TMC4: variants seen among roughly 807,000 people sequenced by gnomAD.
The protein encoded by TMC4 is transmembrane channel like 4, also known as voltage-gated chloride channel TMC4.
TMC4 carries 70 observed loss-of-function variants against 82.0 expected under a neutral mutation model. That is an observed-to-expected ratio of 0.85 (90% confidence interval 0.70 to 1.04). The LOEUF (loss-of-function observed/expected upper bound fraction) is 1.04. TMC4 is among the 50% of genes least tolerant of loss of function. The pLI is 0.00. For synonymous variants in TMC4, 446 were observed against 406.0 expected, an observed-to-expected ratio of 1.10 and a Z score of -1.18; for missense variants, 879 against 899.0, an observed-to-expected ratio of 0.98 and a Z score of 0.28.
chr19:54,161,430 G>A (rs1485612568), intron 11 of TMC4, among the ~76,000 whole-genome samples, 170 bp from the exon 12 acceptor site: 2 of 144,520 alleles, frequency 1.4e-5, no homozygotes, highest in East Asian at 4.2e-4. Flanking sequence ...TCTCACTGCA[G>A]CCTCCCCTCC....
chr19:54,167,205 G>A (rs1038606847), intron 5 of TMC4, among the ~76,000 whole-genome samples: 9 of 151,978 alleles, frequency 5.9e-5, no homozygotes, highest in Admixed American at 1.3e-4. Flanking sequence ...CCAGGCTTCC[G>A]GTGAGCTATG....
intron 10 of TMC4, 104 bp from the exon 11 acceptor site, chr19:54,162,389 T>C (rs1466733787): frequency 2.7e-5 from 7 of 255,556 alleles, no homozygotes; most frequent in Non-Finnish European, 4.3e-5. Flanking sequence ...GTATTGGTGG[T>C]GGGGGGGGGG....
chr19:54,171,756 G>T, intron 2 of TMC4, 114 bp downstream of exon 2: 1 of 946,832 alleles, frequency 1.1e-6, no homozygotes, highest in Non-Finnish European at 1.5e-6. Flanking sequence ...GCGGGGCAGA[G>T]AGAGGCCCCA....
At position 54,162,239 on chromosome 19, in the gene TMC4, T is replaced by G. The variant is rs1265907035; in HGVS notation, c.1549A>C (p.Thr517Pro). The G allele has an allele frequency of 7.5e-6, 12 of 1,604,548 alleles. No individual in the cohort carries two copies. The highest frequency in any genetic ancestry group is 1.0e-5 in the Non-Finnish European group (12 of 1,177,212). The part of the protein sequence containing the change: ...CPGALGRLAG[T>P]QEFQVPDEVL... ...TCGTCGGGCACCTGGAACTCTTGGG[T>G]CCCCGCCAGACGACCCAGCGCCCCA... Residue 517 changes from threonine (T) to proline (P), a missense_variant, in exon 11 of 15, where the codon ACC becomes CCC. Thr to Pro is a conservative substitution (Grantham distance 38). Coordinates refer to ENST00000619895, the MANE Select transcript of TMC4 (RefSeq NM_144686.4).
Position 54,164,483 on chromosome 19 carries a change from G to A in TMC4, c.1064C>T (p.Ala355Val), listed in dbSNP as rs2075650742. 2 of 1,613,806 alleles carry A rather than the reference G, an allele frequency of 1.2e-6. No homozygotes were observed. Among genetic ancestry groups the A allele is most frequent in the East Asian group, 4.5e-5 (2 of 44,858 alleles). Residue 355 changes from alanine to valine, a missense_variant, in exon 7 of 15, where the codon GCA (alanine) becomes GTA (valine). Physicochemically the swap from Ala to Val is moderately conservative, Grantham distance 64. Coordinates refer to ENST00000619895, the MANE Select transcript of TMC4 (RefSeq NM_144686.4). ...AGCCCAGTAGACGCCATAGAAGGCTGCCCCCAGGAGCGCGACCACCAGCAG... is the reference window on the plus strand; with the variant it reads ...AGCCCAGTAGACGCCATAGAAGGCTACCCCCAGGAGCGCGACCACCAGCAG... ...LNLLVVALLG[A>V]AFYGVYWATG...
intron 7 of TMC4, 29 bp from the exon 8 acceptor site, chr19:54,163,916 G>C (rs746917539): frequency 2.9e-5 from 47 of 1,610,664 alleles, no homozygotes; most frequent in Non-Finnish European, 4.0e-5. Flanking sequence ...ATGAGTAGAG[G>C]CTTGGGGTCC....
At position 54,173,150 on chromosome 19, in the gene TMC4, A is replaced by T. The variant is rs369357600; in HGVS notation, c.-33T>A. On this transcript the variant is annotated 5_prime_UTR_variant, in exon 1 of 15. Coordinates refer to ENST00000619895, the MANE Select transcript of TMC4 (RefSeq NM_144686.4). The stretch of plus-strand genomic sequence containing the variant: ...GGCTGGGCTGTCTCTAGTGGCCACC[A>T]GGCAGACACTGCCCCAGGTAAGGGA... 16 of 1,603,418 alleles carry T rather than the reference A, an allele frequency of 1.0e-5. No homozygotes were observed. Among genetic ancestry groups the T allele is most frequent in the East Asian group, 2.2e-5 (1 of 44,712 alleles).
At chr19:54,164,823 T>A (rs999152609) in intron 6 of TMC4, 5 of 604,028 alleles carry the variant, frequency 8.3e-6, no homozygotes, top group African/African-American at 7.5e-5. Flanking sequence ...CAAGCCCCCA[T>A]CCCTCCGCGG....
chr19:54,165,101 C>T (rs2075669244), intron 6 of TMC4, among the ~76,000 whole-genome samples: 1 of 143,418 alleles, frequency 7.0e-6, no homozygotes, highest in Admixed American at 7.0e-5. Flanking sequence ...AGAGAGGGAG[C>T]CTCCCTATGT....
intron 10 of TMC4, among the ~76,000 whole-genome samples, 166 bp downstream of exon 10, chr19:54,162,507 C>T (rs1199008846): frequency 6.6e-6 from 1 of 151,630 alleles, no homozygotes; most frequent in Non-Finnish European, 1.5e-5. Flanking sequence ...AGGGAAGTAA[C>T]CCACTAAAAC....
chr19:54,166,485 C>G (rs915654906), intron 5 of TMC4, among the ~76,000 whole-genome samples: 1 of 152,156 alleles, frequency 6.6e-6, no homozygotes, highest in African/African-American at 2.4e-5. Context: ...GGCCCCGGCC[C>G]CCATCATCTC....
Position 54,163,238 on chromosome 19 carries a change from G to A in TMC4, c.1278-79C>T, listed in dbSNP as rs12052122. On this transcript the variant is annotated intron_variant, in intron 8 of 14. Transcript: ENST00000619895. ...GTTCCCTTCTCAGTGGAACGCGCCC[G>A]CATTCAACCCATCTCACAGATGAAG... 6.9e-3 allele frequency: 10,747 copies of A among 1,546,330 alleles called. 298 individuals carry two copies. In the East Asian group the frequency reaches 0.094, roughly 14 times the overall value.
Position 54,173,142 on chromosome 19 carries a change from T to G in TMC4, c.-25A>C. 1 of 1,610,698 alleles carries G rather than the reference T, an allele frequency of 6.2e-7. No individual in the cohort carries two copies. Among genetic ancestry groups the G allele is most frequent in the South Asian group, 1.1e-5 (1 of 90,912 alleles). On this transcript the variant is annotated 5_prime_UTR_variant, in exon 1 of 15. Coordinates refer to ENST00000619895, the MANE Select transcript of TMC4 (RefSeq NM_144686.4). ...TGGCCCCAGGCTGGGCTGTCTCTAG[T>G]GGCCACCAGGCAGACACTGCCCCAG...
In TMC4 at chr19:54,161,148, A is replaced by T; in HGVS notation, c.1799T>A (p.Leu600Gln). Residue 600 changes from leucine (L) to glutamine (Q), a missense_variant, in exon 12 of 15, where the codon CTG becomes CAG. Leu to Gln is a moderately radical substitution (Grantham distance 113, BLOSUM62 -2). Transcript: ENST00000619895. ...LLGLAISSVP[L>Q]LYSIFLIPPS... ...CACTTACAGGAAGATGCTGTAAAGC[A>T]GGGGAACGCTGGAGATGGCCAGACC... 4 of 1,586,626 alleles carry T rather than the reference A, an allele frequency of 2.5e-6. No homozygotes were observed. Among genetic ancestry groups the T allele is most frequent in the Non-Finnish European group, 2.6e-6 (3 of 1,168,672 alleles).
Position 54,173,119 on chromosome 19 carries a change from G to T in TMC4, c.-2C>A. On this transcript the variant is annotated 5_prime_UTR_variant, in exon 1 of 15. Transcript: ENST00000619895. ...TTCCAAGGTCGGGTTTTCTTCCATG[G>T]CCCCAGGCTGGGCTGTCTCTAGTGG... 1 of 1,613,374 alleles carries T rather than the reference G, an allele frequency of 6.2e-7. No homozygotes were observed. The highest frequency in any genetic ancestry group is 8.5e-7 in the Non-Finnish European group (1 of 1,179,714).
chr19:54,165,410 T>C lies in TMC4; in HGVS notation c.945+9A>G, dbSNP rs1365495475. On this transcript the variant is annotated intron_variant, in intron 6 of 14. Transcript: ENST00000619895. ...CTACCCAGTTGCAGACCCCGCTCCC[T>C]AATCGCACCTTTAATTCGTACAAGA... 6.3e-7 allele frequency: 1 copy of C among 1,590,920 alleles called. No homozygotes were observed. Among genetic ancestry groups the C allele is most frequent in the Non-Finnish European group, 8.6e-7 (1 of 1,162,648 alleles).
At chr19:54,166,740 G>A (rs1349456819) in intron 5 of TMC4, among the ~76,000 whole-genome samples, 1 of 152,034 alleles carries the variant, frequency 6.6e-6, no homozygotes, top group African/African-American at 2.4e-5. Context: ...CATCACCTGA[G>A]GTCAGGAGTT....
chr19:54,165,578 G>A lies in TMC4; in HGVS notation c.798-12C>T. 1 of 1,591,170 alleles carries A rather than the reference G, an allele frequency of 6.3e-7. No individual in the cohort carries two copies. Among genetic ancestry groups the A allele is most frequent in the Non-Finnish European group, 8.6e-7 (1 of 1,163,844 alleles). ...GCCCAGACACCGAGCTGAGAGGGGAGACCCGGGAGACGGGAAGTGAAAGGA... is the reference window on the plus strand; with the variant it reads ...GCCCAGACACCGAGCTGAGAGGGGAAACCCGGGAGACGGGAAGTGAAAGGA... On this transcript the variant is annotated splice_polypyrimidine_tract_variant and intron_variant, in intron 5 of 14. Coordinates refer to ENST00000619895, the MANE Select transcript of TMC4 (RefSeq NM_144686.4).
chr19:54,172,158 G>A (rs565356892), intron 1 of TMC4, 75 bp from the exon 2 acceptor site: 340 of 1,377,188 alleles, frequency 2.5e-4, no homozygotes, highest in Non-Finnish European at 2.8e-4. Flanking sequence ...CAGGAAACCA[G>A]GTCCCCGGCC....
Sources: gnomAD v4.1 joint callset for allele counts (sites outside exome capture counted in the v4.1 genomes callset) on GRCh38, gnomAD v4.1.1 for gene constraint, MANE v1.5 for transcripts, NCBI Gene and HGNC (gene_info 2026-07-23, HGNC 2026-07-21) for gene names.